The following CNTNAP4 variants were observed in gnomAD, a reference collection of about 807,000 sequenced individuals.
CNTNAP4 encodes contactin-associated protein-like 4.
In CNTNAP4, 98 loss-of-function variants were observed where a neutral mutation model predicts 148.4. The observed-to-expected ratio is 0.66, with a 90% confidence interval of 0.56 to 0.78. The LOEUF is 0.78. CNTNAP4 is among the 30% of genes least tolerant of loss of function. The probability of loss-of-function intolerance (pLI) is 0.00; values close to 1 mark genes in which losing one functional copy is unlikely to be tolerated. For missense variants in CNTNAP4, 1,935 were observed against 1,565.6 expected (o/e 1.24, Z -3.98); for synonymous variants, 730 against 565.1 (o/e 1.29, Z -4.14).
chr16:76,303,875 G>C (rs1160873600), intron 1 of CNTNAP4, among the ~76,000 whole-genome samples: 1 of 151,530 alleles, frequency 6.6e-6, no homozygotes, highest in African/African-American at 2.4e-5. Flanking sequence ...TTTTTTTTAA[G>C]AGGGAAGGAT....
chr16:76,441,017 C>T (rs77832481), intron 4 of CNTNAP4, among the ~76,000 whole-genome samples: 1 of 152,044 alleles, frequency 6.6e-6, no homozygotes. Context: ...AAGTTTGCTG[C>T]TCAAGAAGGT....
intron 17 of CNTNAP4, among the ~76,000 whole-genome samples, chr16:76,531,161 T>C (rs994205422): frequency 1.3e-5 from 2 of 152,210 alleles, no homozygotes; most frequent in African/African-American, 4.8e-5. Flanking sequence ...GGGTGAGTTA[T>C]GCAGTTGTTC....
chr16:76,290,501 A>G (rs574264863), intron 1 of CNTNAP4, among the ~76,000 whole-genome samples: 2 of 152,296 alleles, frequency 1.3e-5, no homozygotes, highest in South Asian at 4.1e-4. Flanking sequence ...GTAGATAACT[A>G]ACGTTTTCTC....
intron 4 of CNTNAP4, among the ~76,000 whole-genome samples, chr16:76,429,041 C>T (rs535666971): frequency 6.6e-6 from 1 of 152,290 alleles, no homozygotes; most frequent in South Asian, 2.1e-4. Context: ...GACATTTCCT[C>T]TAGTTGTTGA....
intron 17 of CNTNAP4, among the ~76,000 whole-genome samples, chr16:76,528,320 G>C (rs932572565): frequency 2.0e-5 from 3 of 152,116 alleles, no homozygotes; most frequent in Admixed American, 2.0e-4. Context: ...GAGTACAGTG[G>C]TGTGGTGCAA....
intron 4 of CNTNAP4, among the ~76,000 whole-genome samples, chr16:76,436,345 C>T (rs1320288895): frequency 1.8e-4 from 27 of 152,132 alleles, no homozygotes; most frequent in Admixed American, 1.7e-3. Context: ...CGCACATCCC[C>T]ATTCCAAGTT....
chr16:76,392,754 T>C (rs1224962311), intron 3 of CNTNAP4, among the ~76,000 whole-genome samples: 1 of 152,128 alleles, frequency 6.6e-6, no homozygotes, highest in African/African-American at 2.4e-5. Flanking sequence ...CAAAGGGACA[T>C]GGAATTTGGA....
chr16:76,541,108 T>C (rs2084435115), intron 21 of CNTNAP4, among the ~76,000 whole-genome samples: 1 of 152,236 alleles, frequency 6.6e-6, no homozygotes, highest in Non-Finnish European at 1.5e-5. Context: ...TAACAAAGTA[T>C]GTATTAATTA....
chr16:76,417,429 T>C (rs1424778710), intron 3 of CNTNAP4, among the ~76,000 whole-genome samples: 1 of 151,514 alleles, frequency 6.6e-6, no homozygotes, highest in Non-Finnish European at 1.5e-5. Flanking sequence ...ATATTAATAA[T>C]ACTATTCTAC....
chr16:76,317,264 A>C (rs201362847), intron 2 of CNTNAP4, among the ~76,000 whole-genome samples: 4,386 of 126,488 alleles, frequency 0.035, 194 homozygotes, highest in African/African-American at 0.12. Context: ...AAAAAAAAAA[A>C]CAAAAAAAAA....
chr16:76,376,516 A>C (rs1457172823), intron 3 of CNTNAP4, among the ~76,000 whole-genome samples: 2 of 152,212 alleles, frequency 1.3e-5, no homozygotes, highest in Admixed American at 6.5e-5. Context: ...TCATATGCAA[A>C]GAGATCGTAT....
At chr16:76,447,239 G>C (rs915201890) in intron 4 of CNTNAP4, among the ~76,000 whole-genome samples, 2 of 151,842 alleles carry the variant, frequency 1.3e-5, no homozygotes, top group Non-Finnish European at 2.9e-5. Context: ...GAGCCTCAGA[G>C]GTCAAGGCTG....
chr16:76,529,036 A>G (rs2083861051), intron 17 of CNTNAP4, among the ~76,000 whole-genome samples: 1 of 152,220 alleles, frequency 6.6e-6, no homozygotes, highest in Non-Finnish European at 1.5e-5. Context: ...ATAAGAATTA[A>G]CATCAGCGTA....
At chr16:76,494,269 T>C (rs939817072) in intron 13 of CNTNAP4, among the ~76,000 whole-genome samples, 1 of 152,134 alleles carries the variant, frequency 6.6e-6, no homozygotes, top group African/African-American at 2.4e-5. Flanking sequence ...GAAACTTCCA[T>C]TGAGTGTAAT....
At chr16:76,398,984 T>C (rs1018656962) in intron 3 of CNTNAP4, among the ~76,000 whole-genome samples, 5 of 152,112 alleles carry the variant, frequency 3.3e-5, no homozygotes, top group Non-Finnish European at 7.4e-5. Flanking sequence ...GTTTTCCCCA[T>C]ACTGTTCTTG....
chr16:76,298,912 T>C (rs1444451736), intron 1 of CNTNAP4, among the ~76,000 whole-genome samples: 1 of 152,122 alleles, frequency 6.6e-6, no homozygotes, highest in East Asian at 1.9e-4. Context: ...ATTAAATCAG[T>C]TCCTCTTTAA....
At chr16:76,542,593 G>T (rs1313462145) in intron 21 of CNTNAP4, among the ~76,000 whole-genome samples, 1 of 152,154 alleles carries the variant, frequency 6.6e-6, no homozygotes, top group Non-Finnish European at 1.5e-5. Context: ...ATGAGGCAAA[G>T]ATGTAGGGAT....
In CNTNAP4 at chr16:76,328,045, T is replaced by A. The variant is rs890864135; in HGVS notation, c.196+11522T>A. ...GAAGTGGAACGAAATGCTTCCTGAT[T>A]CCTGCTCAGAAGAATTCCAAATAAT... On this transcript the variant is annotated intron_variant, in intron 2 of 23. Transcript: ENST00000611870. Among the ~76,000 whole-genome samples the A allele has an allele frequency of 5.9e-5, 9 of 152,258 alleles. No homozygotes were observed. The East Asian group carries it at 1.7e-3, about 29-fold the overall frequency.
At chr16:76,333,789 T>G (rs1447124119) in intron 2 of CNTNAP4, among the ~76,000 whole-genome samples, 1 of 147,532 alleles carries the variant, frequency 6.8e-6, no homozygotes, top group African/African-American at 2.5e-5. Flanking sequence ...GTTTTTTTTT[T>G]TTTTTTTTTT....
Sources: allele counts gnomAD v4.1 joint callset (sites outside exome capture counted in the v4.1 genomes callset), GRCh38; gene constraint gnomAD v4.1.1; transcripts MANE v1.5; gene names NCBI Gene and HGNC (gene_info 2026-07-23, HGNC 2026-07-21).